The following NBPF8 variants were observed in gnomAD, a reference collection of about 807,000 sequenced individuals.
NBPF8 encodes NBPF member 8, also known as NBPF family member NBPF8.
upstream of NBPF8, among the ~76,000 whole-genome samples, chr1:120,416,175 T>A (rs1660431903): frequency 6.6e-6 from 1 of 150,888 alleles, no homozygotes; most frequent in Non-Finnish European, 1.5e-5. Flanking sequence ...TTTTAAATTT[T>A]ATTAGTAAAA....
chr1:120,469,016 T>G (rs1189902743), downstream of NBPF8, among the ~76,000 whole-genome samples: 4,790 of 151,586 alleles, frequency 0.032, 49 homozygotes, highest in African/African-American at 0.063. Context: ...GTTGAGAAAT[T>G]CAGCTGTTAT....
chr1:120,433,806 A>G (rs2101592493), upstream of NBPF8: 2 of 178,702 alleles, frequency 1.1e-5, no homozygotes, highest in East Asian at 2.8e-4. Flanking sequence ...GATGCTCTTC[A>G]TACGAAGATC....
chr1:120,418,921 G>C (rs1459258171), upstream of NBPF8, among the ~76,000 whole-genome samples: 61 of 151,692 alleles, frequency 4.0e-4, no homozygotes, highest in Admixed American at 7.2e-4. Flanking sequence ...TATTATTTAT[G>C]AATATAGTAT....
chr1:120,468,978 A>AGTT (rs1211680404), downstream of NBPF8, among the ~76,000 whole-genome samples: 3 of 152,102 alleles, frequency 2.0e-5, no homozygotes, highest in Non-Finnish European at 2.9e-5. Context: ...TGAGTCTCTA[A>AGTT]GTTGACCCCT....
At chr1:120,425,041 A>G (rs1660676109) in intron 1 of NBPF8, among the ~76,000 whole-genome samples, 1 of 145,208 alleles carries the variant, frequency 6.9e-6, no homozygotes, top group Non-Finnish European at 1.5e-5. Flanking sequence ...GGCACACTAC[A>G]CTGCGGAAGA....
chr1:120,468,358 T>C (rs1661806667), downstream of NBPF8, among the ~76,000 whole-genome samples: 3 of 151,168 alleles, frequency 2.0e-5, no homozygotes, highest in African/African-American at 7.3e-5. Context: ...CTTAACAGAG[T>C]CCTCATGAGG....
intron 1 of NBPF8, among the ~76,000 whole-genome samples, chr1:120,421,184 A>G (rs1361633659): frequency 6.6e-6 from 1 of 152,150 alleles, no homozygotes; most frequent in Non-Finnish European, 1.5e-5. Flanking sequence ...CAGAGGAATA[A>G]TGTGTTTCAG....
chr1:120,463,053 C>A, intron 21 of NBPF8, 87 bp downstream of exon 19: 1 of 639,306 alleles, frequency 1.6e-6, no homozygotes. Context: ...CCTTACTGAC[C>A]CGAGAGATGT....
At chr1:120,454,970 C>T (rs1661396491) in intron 15 of NBPF8, among the ~76,000 whole-genome samples, 2 of 147,720 alleles carry the variant, frequency 1.4e-5, no homozygotes, top group Admixed American at 6.8e-5. Context: ...CTGTCTTGGC[C>T]TCCCAAATCA....
chr1:120,434,319 GTA>G (rs1661005216), upstream of NBPF8, among the ~76,000 whole-genome samples: 3 of 144,508 alleles, frequency 2.1e-5, no homozygotes, highest in African/African-American at 7.6e-5. Context: ...GTATATACAC[GTA>G]TATATATTAT....
chr1:120,449,742 G>T (rs1300659248), intron 11 of NBPF8, among the ~76,000 whole-genome samples: 1 of 152,126 alleles, frequency 6.6e-6, no homozygotes, highest in Non-Finnish European at 1.5e-5. Context: ...ATAACATCTA[G>T]TCTGTTGTTC....
At chr1:120,425,451 C>T (rs1409056448) in intron 1 of NBPF8, among the ~76,000 whole-genome samples, 1 of 152,042 alleles carries the variant, frequency 6.6e-6, no homozygotes, top group Non-Finnish European at 1.5e-5. Flanking sequence ...GATGCAGAGA[C>T]ATTTGTTAAC....
chr1:120,446,172 A>C (rs1661155641), intron 8 of NBPF8: 3 of 1,498,498 alleles, frequency 2.0e-6, no homozygotes, highest in Non-Finnish European at 2.8e-6. Context: ...CCATGACATG[A>C]CCAGGACTTC....
At chr1:120,423,067 T>A (rs1191138259) in intron 1 of NBPF8, among the ~76,000 whole-genome samples, 1 of 128,142 alleles carries the variant, frequency 7.8e-6, no homozygotes, top group Non-Finnish European at 1.6e-5. Flanking sequence ...TCTCCCAGTC[T>A]GTGACTTGCT....
chr1:120,423,362 T>C (rs1251390132), intron 1 of NBPF8, among the ~76,000 whole-genome samples: 2,090 of 107,260 alleles, frequency 0.019, 480 homozygotes, highest in Non-Finnish European at 0.027. Context: ...CTAGCACCAC[T>C]AGTTGGAAAG....
chr1:120,466,095 A>T, exon 25 of NBPF8: 3 of 1,611,700 alleles, frequency 1.9e-6, no homozygotes, highest in Non-Finnish European at 2.5e-6. Flanking sequence ...AGCACTACAG[A>T]AGTGTGTTTT....
chr1:120,436,392 T>A, exon 1 of NBPF8: 1 of 1,435,800 alleles, frequency 7.0e-7, no homozygotes, highest in South Asian at 1.3e-5. Flanking sequence ...AACAGTAAGG[T>A]AAGAATTTCA....
exon 25 of NBPF8, chr1:120,466,131 CT>C: frequency 1.2e-6 from 2 of 1,610,694 alleles, no homozygotes; most frequent in Non-Finnish European, 1.7e-6. Flanking sequence ...AGCACATCAG[CT>C]TTGCCCTTGA....
chr1:120,425,420 T>C (rs1483019384), intron 1 of NBPF8, among the ~76,000 whole-genome samples: 1 of 152,080 alleles, frequency 6.6e-6, no homozygotes, highest in Non-Finnish European at 1.5e-5. Flanking sequence ...AGCACAGCAC[T>C]TTTTTCTTTA....
Sources: allele counts gnomAD v4.1 joint callset (sites outside exome capture counted in the v4.1 genomes callset), GRCh38; gene constraint gnomAD v4.1.1; transcripts MANE v1.5; gene names NCBI Gene and HGNC (gene_info 2026-07-23, HGNC 2026-07-21).